Variants in CNTN5 observed in about 807,000 individuals in gnomAD.
The protein encoded by CNTN5 is contactin 5.
A neutral mutation model predicts 129.1 loss-of-function variants in CNTN5; 77 were observed. The observed-to-expected ratio is 0.60, with a 90% CI of 0.50 to 0.72. The LOEUF (loss-of-function observed/expected upper bound fraction) is 0.72, where lower values mean the gene tolerates loss of function less well. Ranked by LOEUF, CNTN5 falls within the 30% of genes least tolerant of loss-of-function variation. CNTN5 has a pLI of 0.00. For missense variants in CNTN5, 1,478 were observed against 1,328.8 expected, an observed-to-expected ratio of 1.11 and a Z score of -1.75; for synonymous variants, 509 against 465.6, an observed-to-expected ratio of 1.09 and a Z score of -1.20.
chr11:100,039,395 C>G (rs1366543386), intron 9 of CNTN5, among the ~76,000 whole-genome samples: 1 of 152,084 alleles, frequency 6.6e-6, no homozygotes, highest in African/African-American at 2.4e-5. Flanking sequence ...TCTGGTTGCC[C>G]TTAACATTTT....
At chr11:99,367,208 C>T (rs1367950576) in intron 2 of CNTN5, among the ~76,000 whole-genome samples, 1 of 152,114 alleles carries the variant, frequency 6.6e-6, no homozygotes, top group Non-Finnish European at 1.5e-5. Context: ...TGCCTTGTCA[C>T]TCAACATAGG....
intron 3 of CNTN5, among the ~76,000 whole-genome samples, chr11:99,752,405 G>A (rs1377958059): frequency 6.6e-6 from 1 of 152,100 alleles, no homozygotes; most frequent in Non-Finnish European, 1.5e-5. Flanking sequence ...ATGAATAACT[G>A]AATAAATGAA....
chr11:99,969,228 TAAC>T (rs1338990962), intron 8 of CNTN5, among the ~76,000 whole-genome samples: 3 of 152,160 alleles, frequency 2.0e-5, no homozygotes, highest in African/African-American at 4.8e-5. Flanking sequence ...TGGTAACAAA[TAAC>T]AAGATGAATT....
chr11:99,522,635 A>G (rs1027212930), intron 2 of CNTN5, among the ~76,000 whole-genome samples: 9 of 152,186 alleles, frequency 5.9e-5, no homozygotes, highest in African/African-American at 2.2e-4. Flanking sequence ...CCAATGACTC[A>G]TCTTTTAAAA....
intron 2 of CNTN5, among the ~76,000 whole-genome samples, chr11:99,430,516 C>A (rs112136281): frequency 0.013 from 1,946 of 149,442 alleles, 33 homozygotes; most frequent in East Asian, 0.1. Flanking sequence ...TTTTCTCTCT[C>A]TATATATATA....
intron 6 of CNTN5, among the ~76,000 whole-genome samples, chr11:99,904,327 T>C (rs1591393235): frequency 6.6e-6 from 1 of 152,002 alleles, no homozygotes; most frequent in East Asian, 2.0e-4. Context: ...GTGTGTGATG[T>C]TCCCCTCCCC....
chr11:99,995,109 C>G (rs1021639354), intron 8 of CNTN5, among the ~76,000 whole-genome samples: 1 of 152,136 alleles, frequency 6.6e-6, no homozygotes, highest in African/African-American at 2.4e-5. Context: ...AAATTTTAGA[C>G]TGGAAAGTAA....
intron 1 of CNTN5, among the ~76,000 whole-genome samples, chr11:99,186,895 T>C (rs1390017169): frequency 6.6e-6 from 1 of 151,836 alleles, no homozygotes; most frequent in Non-Finnish European, 1.5e-5. Flanking sequence ...AGGCTGAGAA[T>C]GGAAAAAGAG....
chr11:99,819,897 A>T (rs1441076611), intron 4 of CNTN5, 132 bp downstream of exon 4: 2 of 671,912 alleles, frequency 3.0e-6, no homozygotes, highest in East Asian at 5.5e-5. Context: ...TAAAAATGAA[A>T]GCAGGAGAGT....
chr11:99,947,093 TA>T (rs1950569781), intron 7 of CNTN5, among the ~76,000 whole-genome samples: 1 of 117,270 alleles, frequency 8.5e-6, no homozygotes, highest in South Asian at 2.5e-4. Flanking sequence ...AACATGATTA[TA>T]AAAATTAAAA....
chr11:99,402,859 G>C (rs1359013535), intron 2 of CNTN5, among the ~76,000 whole-genome samples: 1 of 152,080 alleles, frequency 6.6e-6, no homozygotes. Context: ...TTGGCATATA[G>C]TTACTCATAG....
At chr11:99,322,493 G>C (rs568541348) in intron 1 of CNTN5, among the ~76,000 whole-genome samples, 1 of 152,028 alleles carries the variant, frequency 6.6e-6, no homozygotes, top group Admixed American at 6.6e-5. Context: ...GGTGGCAAGC[G>C]GTCATTTGAA....
At chr11:99,784,155 A>T (rs1344554985) in intron 3 of CNTN5, among the ~76,000 whole-genome samples, 1 of 152,142 alleles carries the variant, frequency 6.6e-6, no homozygotes, top group Non-Finnish European at 1.5e-5. Flanking sequence ...TTTTACTATT[A>T]TTATTATACT....
chr11:100,337,788 G>T (rs1952065522), intron 21 of CNTN5, among the ~76,000 whole-genome samples: 1 of 152,154 alleles, frequency 6.6e-6, no homozygotes, highest in Non-Finnish European at 1.5e-5. Flanking sequence ...CTTCTGTTTT[G>T]TTTGAAGCTC....
intron 4 of CNTN5, among the ~76,000 whole-genome samples, chr11:99,824,816 G>A (rs545161409): frequency 5.9e-5 from 9 of 151,864 alleles, no homozygotes; most frequent in Non-Finnish European, 1.3e-4. Flanking sequence ...CAATGTCAGT[G>A]ATCTCCACTG....
intron 1 of CNTN5, among the ~76,000 whole-genome samples, chr11:99,117,640 A>G (rs1185604306): frequency 1.3e-5 from 2 of 152,128 alleles, no homozygotes; most frequent in Admixed American, 1.3e-4. Context: ...CACCCAATGT[A>G]TTGGTATTTG....
At chr11:100,303,380 A>G (rs909578061) in intron 20 of CNTN5, among the ~76,000 whole-genome samples, 2 of 151,620 alleles carry the variant, frequency 1.3e-5, no homozygotes, top group Admixed American at 1.3e-4. Flanking sequence ...ATAAAAAATT[A>G]AATTGGCTTT....
intron 6 of CNTN5, among the ~76,000 whole-genome samples, chr11:99,910,701 A>G (rs1474285036): frequency 1.3e-5 from 2 of 152,124 alleles, no homozygotes; most frequent in East Asian, 1.9e-4. Context: ...ATCTACTTCC[A>G]GGAAGCCTGG....
At chr11:99,113,023 T>C (rs12808451) in intron 1 of CNTN5, among the ~76,000 whole-genome samples, 16,197 of 152,104 alleles carry the variant, frequency 0.11, 1,097 homozygotes, top group Non-Finnish European at 0.16. Flanking sequence ...TTTGCCTCAA[T>C]AGTCATACGA....
Sources: gnomAD v4.1 joint callset for allele counts (sites outside exome capture counted in the v4.1 genomes callset) on GRCh38, gnomAD v4.1.1 for gene constraint, MANE v1.5 for transcripts, NCBI Gene and HGNC (gene_info 2026-07-23, HGNC 2026-07-21) for gene names.